The following PXDNL variants were observed in gnomAD, a reference collection of about 807,000 sequenced individuals.
The protein encoded by PXDNL is probable oxidoreductase PXDNL.
PXDNL carries 145 observed loss-of-function variants against 150.8 expected under a neutral mutation model. The ratio of observed to expected loss-of-function variants is 0.96; its 90% confidence interval spans 0.84 to 1.10. PXDNL has a LOEUF of 1.10. PXDNL is among the 50% of genes least tolerant of loss of function. The pLI is 0.00. For synonymous variants in PXDNL, 757 were observed against 725.7 expected, an observed-to-expected ratio of 1.04 and a Z score of -0.69; for missense variants, 2,087 against 1,873.9, an observed-to-expected ratio of 1.11 and a Z score of -2.10.
At chr8:51,434,774 G>A (rs1232861324) in intron 12 of PXDNL, among the ~76,000 whole-genome samples, 1 of 152,098 alleles carries the variant, frequency 6.6e-6, no homozygotes, top group African/African-American at 2.4e-5. Flanking sequence ...TGAGGAAACT[G>A]AGTCACAGAA....
chr8:51,428,979 A>C (rs1809183692), intron 12 of PXDNL, among the ~76,000 whole-genome samples: 3 of 14,188 alleles, frequency 2.1e-4, no homozygotes, highest in Non-Finnish European at 1.5e-3. Context: ...TAAAGAACCC[A>C]AAAATTCAAC....
At chr8:51,419,426 T>G (rs560991775) in intron 14 of PXDNL, among the ~76,000 whole-genome samples, 1 of 152,196 alleles carries the variant, frequency 6.6e-6, no homozygotes, top group Non-Finnish European at 1.5e-5. Context: ...CATGGAAACA[T>G]AGAAATTCTA....
chr8:51,662,827 T>C lies in PXDNL; in HGVS notation c.165-8067A>G, dbSNP rs577981642. Reference sequence around the variant, plus strand: ...GTCAGGCACTCATGGGAAGTTAAAATAGGTCAGCAGCAAGGGAGCACACAT... The same window carrying C: ...GTCAGGCACTCATGGGAAGTTAAAACAGGTCAGCAGCAAGGGAGCACACAT... On this transcript the variant is annotated intron_variant, in intron 1 of 22. Coordinates refer to ENST00000356297, the MANE Select transcript of PXDNL (RefSeq NM_144651.5). 2.7e-4 allele frequency among the ~76,000 whole-genome samples: 41 copies of C among 152,320 alleles called. 1 individual carries two copies. In the South Asian group the frequency reaches 8.1e-3, roughly 30 times the overall value.
chr8:51,611,395 A>C (rs1173427014), intron 2 of PXDNL, among the ~76,000 whole-genome samples: 2 of 152,282 alleles, frequency 1.3e-5, no homozygotes, highest in Admixed American at 1.3e-4. Flanking sequence ...TAGTTACACG[A>C]GTGTTTATTA....
chr8:51,325,744 G>T (rs922002786), intron 21 of PXDNL, among the ~76,000 whole-genome samples: 1 of 152,166 alleles, frequency 6.6e-6, no homozygotes. Context: ...CATCTGGCAT[G>T]ATGACCCCCT....
chr8:51,741,761 C>T (rs547891687), intron 1 of PXDNL, among the ~76,000 whole-genome samples: 2 of 152,208 alleles, frequency 1.3e-5, no homozygotes, highest in Admixed American at 6.5e-5. Context: ...GTCAGTGATG[C>T]GGGTGAACTG....
At chr8:51,484,801 C>A (rs1383921389) in intron 5 of PXDNL, among the ~76,000 whole-genome samples, 2 of 152,292 alleles carry the variant, frequency 1.3e-5, no homozygotes, top group South Asian at 2.1e-4. Context: ...CTTGGCTATA[C>A]CCATTCCCCT....
intron 1 of PXDNL, among the ~76,000 whole-genome samples, chr8:51,750,188 ATT>A (rs903109941): frequency 6.6e-6 from 1 of 151,670 alleles, no homozygotes; most frequent in Non-Finnish European, 1.5e-5. Flanking sequence ...AGCTTTTTAA[ATT>A]TTTTTTTCTT....
chr8:51,379,233 A>T (rs1335496556), intron 17 of PXDNL, among the ~76,000 whole-genome samples: 1 of 152,088 alleles, frequency 6.6e-6, no homozygotes, highest in Non-Finnish European at 1.5e-5. Flanking sequence ...TCTCTCACTA[A>T]TTGAAGGTAT....
intron 3 of PXDNL, among the ~76,000 whole-genome samples, chr8:51,568,084 T>C (rs889891021): frequency 1.3e-5 from 2 of 151,828 alleles, no homozygotes; most frequent in African/African-American, 4.8e-5. Flanking sequence ...GTCATTCCAC[T>C]TATCCATAAG....
At chr8:51,330,174 C>T (rs1805640906) in intron 21 of PXDNL, among the ~76,000 whole-genome samples, 1 of 152,178 alleles carries the variant, frequency 6.6e-6, no homozygotes, top group African/African-American at 2.4e-5. Flanking sequence ...TCTTCAGAAA[C>T]ACCCTCACAG....
chr8:51,391,326 C>A (rs1807901388), intron 17 of PXDNL, among the ~76,000 whole-genome samples: 1 of 152,066 alleles, frequency 6.6e-6, no homozygotes, highest in African/African-American at 2.4e-5. Context: ...CACTGACTTC[C>A]ACAATGGTTG....
chr8:51,397,322 G>A (rs1808111599), intron 17 of PXDNL, among the ~76,000 whole-genome samples: 1 of 152,066 alleles, frequency 6.6e-6, no homozygotes, highest in Non-Finnish European at 1.5e-5. Context: ...TGGAACTGTT[G>A]TTTAAATTTC....
At chr8:51,396,430 T>C (rs1808084111) in intron 17 of PXDNL, among the ~76,000 whole-genome samples, 1 of 152,232 alleles carries the variant, frequency 6.6e-6, no homozygotes, top group Non-Finnish European at 1.5e-5. Context: ...GGCCTGAGAA[T>C]GCCTGGCTGC....
intron 3 of PXDNL, among the ~76,000 whole-genome samples, chr8:51,557,764 G>A (rs1031480373): frequency 3.3e-5 from 5 of 152,130 alleles, no homozygotes; most frequent in African/African-American, 4.8e-5. Context: ...AGATAATTCA[G>A]TTGCAGCTCA....
intron 3 of PXDNL, among the ~76,000 whole-genome samples, chr8:51,582,087 T>C (rs927706279): frequency 1.3e-5 from 2 of 152,150 alleles, no homozygotes; most frequent in Admixed American, 1.3e-4. Context: ...ATGGACTGAA[T>C]TGCATCACCT....
At chr8:51,363,607 CAT>C (rs1806823061) in intron 19 of PXDNL, among the ~76,000 whole-genome samples, 2 of 152,154 alleles carry the variant, frequency 1.3e-5, no homozygotes, top group South Asian at 2.1e-4. Flanking sequence ...TTATAGATAA[CAT>C]AACCGATTAG....
In PXDNL at chr8:51,626,480, AT is replaced by A. The variant is rs1416454762; in HGVS notation, c.236+28208del. 9.3e-4 allele frequency among the ~76,000 whole-genome samples: 141 copies of A among 151,994 alleles called. 2 individuals carry two copies. Among genetic ancestry groups the A allele is most frequent in the Non-Finnish European group, 1.5e-4 (10 of 68,008 alleles). On this transcript the variant is annotated intron_variant, in intron 2 of 22. Coordinates refer to ENST00000356297, the MANE Select transcript of PXDNL (RefSeq NM_144651.5). ...TTGCAGAGGGCCCCTTCTTTCTCTA[AT>A]TTTTTATCTCTACACTAAACTACTC...
chr8:51,565,317 A>ATAGATAGATAG (rs1563466564), intron 3 of PXDNL, among the ~76,000 whole-genome samples: 1 of 110,302 alleles, frequency 9.1e-6, no homozygotes, highest in African/African-American at 4.9e-5. Context: ...TAAATAAATA[A>ATAGATAGATAG]ATAAATAGAT....
Sources: allele counts gnomAD v4.1 joint callset (sites outside exome capture counted in the v4.1 genomes callset), GRCh38; gene constraint gnomAD v4.1.1; transcripts MANE v1.5; gene names NCBI Gene and HGNC (gene_info 2026-07-23, HGNC 2026-07-21).